The following SPMIP2 variants were observed in gnomAD, a reference collection of about 807,000 sequenced individuals.
SPMIP2 encodes the protein protein SPMIP2.
At chr4:159,046,371 C>G in the SPMIP2 span, among the ~76,000 whole-genome samples, 1 of 152,114 alleles carries the variant, frequency 6.6e-6, no homozygotes, top group Non-Finnish European at 1.5e-5. Flanking sequence ...TTGCTAGAAA[C>G]AAGTTCACAA....
chr4:158,929,521 C>T, the SPMIP2 span, among the ~76,000 whole-genome samples: 1 of 152,174 alleles, frequency 6.6e-6, no homozygotes, highest in Non-Finnish European at 1.5e-5. Context: ...AAATAGTACA[C>T]TATTTTAATT....
At chr4:158,990,838 C>T in the SPMIP2 span, among the ~76,000 whole-genome samples, 2 of 151,992 alleles carry the variant, frequency 1.3e-5, no homozygotes, top group Admixed American at 6.6e-5. Flanking sequence ...AGCAAACCTG[C>T]ACATTCTGCA....
chr4:158,945,968 C>T, the SPMIP2 span, among the ~76,000 whole-genome samples: 1 of 152,208 alleles, frequency 6.6e-6, no homozygotes. Context: ...TTGTTAGGTC[C>T]AGGAGCTGTT....
At chr4:159,016,105 G>A in the SPMIP2 span, among the ~76,000 whole-genome samples, 3 of 152,136 alleles carry the variant, frequency 2.0e-5, no homozygotes, top group Non-Finnish European at 4.4e-5. Context: ...GTTAGAATTC[G>A]TAATTTTAAA....
the SPMIP2 span, chr4:158,973,285 G>A: frequency 5.6e-6 from 9 of 1,613,172 alleles, no homozygotes; most frequent in Non-Finnish European, 6.8e-6. Flanking sequence ...TGAATTTTGG[G>A]TAAATAATCC....
the SPMIP2 span, among the ~76,000 whole-genome samples, chr4:158,984,946 G>A: frequency 5.3e-5 from 8 of 151,658 alleles, no homozygotes; most frequent in East Asian, 1.2e-3. Context: ...AATGATAAAG[G>A]GGATATCACC....
the SPMIP2 span, among the ~76,000 whole-genome samples, chr4:159,010,976 T>C: frequency 6.6e-6 from 1 of 152,184 alleles, no homozygotes; most frequent in Non-Finnish European, 1.5e-5. Context: ...CTCTTCTTCC[T>C]AGGTTTATAT....
the SPMIP2 span, among the ~76,000 whole-genome samples, chr4:158,959,517 G>A: frequency 6.6e-6 from 1 of 151,904 alleles, no homozygotes; most frequent in African/African-American, 2.4e-5. Flanking sequence ...AGTTTATGTT[G>A]GTATAGTATA....
chr4:158,964,200 G>T, the SPMIP2 span, among the ~76,000 whole-genome samples: 1 of 144,020 alleles, frequency 6.9e-6, no homozygotes, highest in Non-Finnish European at 1.5e-5. Context: ...AAAACATGTG[G>T]AGGGATCATG....
At chr4:158,894,589 T>C in the SPMIP2 span, among the ~76,000 whole-genome samples, 2 of 152,220 alleles carry the variant, frequency 1.3e-5, no homozygotes, top group Non-Finnish European at 2.9e-5. Context: ...GTAATTACTT[T>C]TTCCAAACAG....
At chr4:158,988,496 AT>A in the SPMIP2 span, among the ~76,000 whole-genome samples, 1 of 152,206 alleles carries the variant, frequency 6.6e-6, no homozygotes, top group Non-Finnish European at 1.5e-5. Flanking sequence ...TCAATAAAAT[AT>A]TGGCAAACTC....
At chr4:159,028,975 A>G in the SPMIP2 span, among the ~76,000 whole-genome samples, 1 of 152,074 alleles carries the variant, frequency 6.6e-6, no homozygotes, top group African/African-American at 2.4e-5. Flanking sequence ...CACACCTGAA[A>G]TCTCAGCTAC....
At chr4:158,992,704 A>G in the SPMIP2 span, among the ~76,000 whole-genome samples, 1 of 152,200 alleles carries the variant, frequency 6.6e-6, no homozygotes, top group Non-Finnish European at 1.5e-5. Flanking sequence ...CTCTGCTTCT[A>G]AGATGGTGCC....
chr4:159,039,154 G>A, the SPMIP2 span, among the ~76,000 whole-genome samples: 1 of 152,014 alleles, frequency 6.6e-6, no homozygotes, highest in Non-Finnish European at 1.5e-5. Flanking sequence ...GGCCAGGCTG[G>A]TCTGGAACTC....
At chr4:158,972,561 G>A in the SPMIP2 span, among the ~76,000 whole-genome samples, 1 of 152,284 alleles carries the variant, frequency 6.6e-6, no homozygotes, top group Admixed American at 6.5e-5. Context: ...GAGACACCAG[G>A]ATCTCATGCC....
the SPMIP2 span, among the ~76,000 whole-genome samples, chr4:159,082,449 C>CTCTG: frequency 0.025 from 2,827 of 111,576 alleles, 55 homozygotes; most frequent in African/African-American, 0.07. Flanking sequence ...CCACTTTTCT[C>CTCTG]TGTGTGTGTG....
the SPMIP2 span, among the ~76,000 whole-genome samples, chr4:159,010,673 G>A: frequency 6.6e-6 from 1 of 152,082 alleles, no homozygotes; most frequent in Non-Finnish European, 1.5e-5. Flanking sequence ...TGGCCCAATC[G>A]GGGCAGCGTT....
chr4:158,936,350 T>C, the SPMIP2 span, among the ~76,000 whole-genome samples: 3 of 152,230 alleles, frequency 2.0e-5, no homozygotes, highest in Non-Finnish European at 4.4e-5. Flanking sequence ...AACTTCCCTT[T>C]AGGACTTCAA....
the SPMIP2 span, among the ~76,000 whole-genome samples, chr4:159,062,036 A>G: frequency 1.3e-5 from 2 of 152,200 alleles, no homozygotes; most frequent in Non-Finnish European, 2.9e-5. Flanking sequence ...TTGCAGGAGC[A>G]ATGAGTGACT....
Sources: allele counts gnomAD v4.1 joint callset (sites outside exome capture counted in the v4.1 genomes callset), GRCh38; gene constraint gnomAD v4.1.1; transcripts MANE v1.5; gene names NCBI Gene and HGNC (gene_info 2026-07-23, HGNC 2026-07-21).